The following NUP188 variants were observed in gnomAD, a reference collection of about 807,000 sequenced individuals.
NUP188 encodes nucleoporin 188.
Under a neutral mutation model 223.0 loss-of-function variants are expected in NUP188, and 97 were observed. That is an observed-to-expected ratio of 0.43 (90% CI 0.37 to 0.51). The LOEUF (loss-of-function observed/expected upper bound fraction) is 0.51, where lower values mean the gene tolerates loss of function less well. Ranked by LOEUF, NUP188 falls within the 20% of genes least tolerant of loss-of-function variation. The probability of loss-of-function intolerance (pLI) is 0.00; values close to 1 mark genes in which losing one functional copy is unlikely to be tolerated. For synonymous variants in NUP188, 869 were observed against 828.0 expected, an observed-to-expected ratio of 1.05 and a Z score of -0.85; for missense variants, 1,947 against 2,175.6, an observed-to-expected ratio of 0.89 and a Z score of 2.09.
At chr9:128,994,701 C>T (rs1482116997) in intron 28 of NUP188, among the ~76,000 whole-genome samples, 155 bp from the exon 29 acceptor site, 3 of 152,146 alleles carry the variant, frequency 2.0e-5, no homozygotes, top group African/African-American at 4.8e-5. Context: ...GTGGACCTGA[C>T]GCCTCTGCTC....
In NUP188 at chr9:128,993,410, C is replaced by T. The variant is rs1214767829; in HGVS notation, c.2847+7C>T. 3 of 1,614,042 alleles carry T rather than the reference C, an allele frequency of 1.9e-6. No individual in the cohort carries two copies. Among genetic ancestry groups the T allele is most frequent in the South Asian group, 1.1e-5 (1 of 91,068 alleles). On this transcript the variant is annotated splice_region_variant and intron_variant, in intron 26 of 43. Coordinates refer to ENST00000372577, the MANE Select transcript of NUP188 (RefSeq NM_015354.3). The stretch of plus-strand genomic sequence containing the variant: ...TGGCAGTGATGGCTCAAAGGTAAGC[C>T]TGTAACCTGGGATGACACTGGGAGT...
chr9:129,003,531 C>T, intron 38 of NUP188, 77 bp downstream of exon 38: 1 of 1,493,016 alleles, frequency 6.7e-7, no homozygotes, highest in Non-Finnish European at 9.2e-7. Context: ...CACTGGGGCA[C>T]TCCTAGTGAA....
At chr9:128,999,410 T>G in intron 33 of NUP188, 93 bp downstream of exon 33, 1 of 1,493,910 alleles carries the variant, frequency 6.7e-7, no homozygotes, top group Non-Finnish European at 9.1e-7. Flanking sequence ...GCCACACATT[T>G]CTTCTGGGAC....
intron 5 of NUP188, among the ~76,000 whole-genome samples, chr9:128,957,297 T>A (rs994869520): frequency 1.3e-5 from 2 of 152,120 alleles, no homozygotes; most frequent in African/African-American, 4.8e-5. Flanking sequence ...GTGATCGCAC[T>A]ACTGCACTCC....
chr9:128,970,734 A>T (rs774793550), intron 10 of NUP188, 24 bp from the exon 11 acceptor site: 2 of 1,595,014 alleles, frequency 1.3e-6, no homozygotes, highest in East Asian at 4.5e-5. Context: ...TCGGAGATGT[A>T]GATGTGTTTT....
At chr9:128,979,228 A>C in intron 12 of NUP188, 34 bp from the exon 13 acceptor site, 1 of 1,513,380 alleles carries the variant, frequency 6.6e-7, no homozygotes, top group Non-Finnish European at 9.2e-7. Context: ...TCAGCTAGGG[A>C]AAATGATCCA....
At chr9:128,995,723 G>A (rs542236550) in intron 30 of NUP188, among the ~76,000 whole-genome samples, 1 of 152,300 alleles carries the variant, frequency 6.6e-6, no homozygotes, top group East Asian at 1.9e-4. Flanking sequence ...ATGCAGAGAA[G>A]TGATTTGAAA....
chr9:128,994,365 C>T lies in NUP188; in HGVS notation c.3018-8C>T, dbSNP rs747132809. 2.5e-6 allele frequency: 4 copies of T among 1,601,150 alleles called. No homozygotes were observed. The highest frequency in any genetic ancestry group is 3.4e-6 in the Non-Finnish European group (4 of 1,168,332). On this transcript the variant is annotated splice_region_variant and splice_polypyrimidine_tract_variant and intron_variant, in intron 27 of 43. Coordinates refer to ENST00000372577, the MANE Select transcript of NUP188 (RefSeq NM_015354.3). The stretch of plus-strand genomic sequence containing the variant: ...AGTTATGATTTCAAACATTTATTTC[C>T]TTTTTAGACCCAAGTTTTGGGAAAA...
chr9:128,953,704 C>G (rs1036606577), intron 3 of NUP188, among the ~76,000 whole-genome samples: 2 of 152,028 alleles, frequency 1.3e-5, no homozygotes, highest in African/African-American at 4.8e-5. Flanking sequence ...ATTTAGGTAC[C>G]CTTATCATTG....
In NUP188 at chr9:128,987,735, C is replaced by T. The variant is rs764714254; in HGVS notation, c.2393+18C>T. ...CCTCGAAGGTAGGGCTCCTTCTCCA[C>T]GTTCCCTTTGTCTGTCTTTATTGTG... On this transcript the variant is annotated intron_variant, in intron 23 of 43. Transcript: ENST00000372577. 28 of 1,608,924 alleles carry T rather than the reference C, an allele frequency of 1.7e-5. No homozygotes were observed. The highest frequency in any genetic ancestry group is 8.9e-5 in the East Asian group (4 of 44,848).
chr9:129,006,209 G>A, intron 42 of NUP188, 30 bp from the exon 43 acceptor site: 1 of 1,614,162 alleles, frequency 6.2e-7, no homozygotes, highest in South Asian at 1.1e-5. Context: ...GCCCTCTGCA[G>A]CAGTACCAAA....
chr9:129,003,308 T>TC lies in NUP188; in HGVS notation c.4297-7dup, dbSNP rs1246124201. ...CCCCATCTTTCCCTGATGTGTGCTT[T>TC]CCTCCCAGTGCCTCAACGCAGTGAG... On this transcript the variant is annotated splice_polypyrimidine_tract_variant and intron_variant, in intron 37 of 43. Coordinates refer to ENST00000372577, the MANE Select transcript of NUP188 (RefSeq NM_015354.3). The TC allele has an allele frequency of 8.1e-6, 13 of 1,598,752 alleles. No individual in the cohort carries two copies. The highest frequency in any genetic ancestry group is 1.4e-5 in the African/African-American group (1 of 74,066).
chr9:128,987,088 A>AGAGAGAGTGTGT (rs1450678206), intron 22 of NUP188, among the ~76,000 whole-genome samples: 10 of 113,340 alleles, frequency 8.8e-5, no homozygotes, highest in South Asian at 3.2e-4. Flanking sequence ...AGAGAGAGAG[A>AGAGAGAGTGTGT]GTGTGTGTGT....
At position 128,979,331 on chromosome 9, in the gene NUP188, A is replaced by T; in HGVS notation, c.1269+4A>T. ...TCCGGAACTGTTCTGGGGAACAGTAAGTATGTCAGAGAGAGTCACTGCATA... is the reference window on the plus strand; with the variant it reads ...TCCGGAACTGTTCTGGGGAACAGTATGTATGTCAGAGAGAGTCACTGCATA... On this transcript the variant is annotated splice_donor_region_variant and intron_variant, in intron 13 of 43. Coordinates refer to ENST00000372577, the MANE Select transcript of NUP188 (RefSeq NM_015354.3). 6.2e-7 allele frequency: 1 copy of T among 1,601,642 alleles called. No individual in the cohort carries two copies. The highest frequency in any genetic ancestry group is 8.6e-7 in the Non-Finnish European group (1 of 1,169,284).
intron 31 of NUP188, 63 bp downstream of exon 31, chr9:128,998,291 G>A (rs1842566905): frequency 7.1e-7 from 1 of 1,402,024 alleles, no homozygotes; most frequent in African/African-American, 1.4e-5. Flanking sequence ...TCAAATAGCA[G>A]AGGTCATGAG....
intron 8 of NUP188, among the ~76,000 whole-genome samples, chr9:128,967,722 G>A (rs563140165): frequency 1.3e-5 from 2 of 152,096 alleles, no homozygotes; most frequent in African/African-American, 2.4e-5. Flanking sequence ...CCTGGGAGGC[G>A]GAGGTTGCAG....
intron 8 of NUP188, among the ~76,000 whole-genome samples, chr9:128,961,589 T>G (rs142606108): frequency 0.066 from 7,833 of 118,624 alleles, 261 homozygotes; most frequent in Middle Eastern, 0.2. Context: ...TATCTATCTA[T>G]CTAGATAGAT....
intron 37 of NUP188, 116 bp downstream of exon 37, chr9:129,003,091 C>T (rs1842703660): frequency 8.0e-7 from 1 of 1,253,264 alleles, no homozygotes. Flanking sequence ...TTGTCGATGC[C>T]TTCATTTTTG....
intron 43 of NUP188, 58 bp from the exon 44 acceptor site, chr9:129,006,444 A>C (rs1322806676): frequency 6.2e-7 from 1 of 1,612,496 alleles, no homozygotes; most frequent in African/African-American, 1.3e-5. Context: ...GCAACCCCCA[A>C]GGGTCAGAAC....
Sources: allele counts gnomAD v4.1 joint callset (sites outside exome capture counted in the v4.1 genomes callset), GRCh38; gene constraint gnomAD v4.1.1; transcripts MANE v1.5; gene names NCBI Gene and HGNC (gene_info 2026-07-23, HGNC 2026-07-21).